The following DOCK8 variants were observed in gnomAD, a reference collection of about 807,000 sequenced individuals.
DOCK8 encodes dedicator of cytokinesis 8, also known as dedicator of cytokinesis protein 8.
In DOCK8, 141 loss-of-function variants were observed where a neutral mutation model predicts 245.6. The ratio of observed to expected loss-of-function variants is 0.57; its 90% CI spans 0.50 to 0.66. The LOEUF (loss-of-function observed/expected upper bound fraction) is 0.66, where lower values mean the gene tolerates loss of function less well. DOCK8 is among the 30% of genes least tolerant of loss of function. The pLI is 0.00. For synonymous variants in DOCK8, 1,168 were observed against 970.2 expected (o/e 1.20, Z -3.79); for missense variants, 2,965 against 2,603.4 (o/e 1.14, Z -3.02).
intron 8 of DOCK8, among the ~76,000 whole-genome samples, chr9:325,998 G>C (rs778403729): frequency 2.0e-5 from 3 of 152,130 alleles, no homozygotes; most frequent in Non-Finnish European, 4.4e-5. Context: ...ATAGCGCATG[G>C]GGTTATGTAT....
intron 46 of DOCK8, among the ~76,000 whole-genome samples, chr9:462,094 T>G (rs749246166): frequency 2.0e-5 from 3 of 152,200 alleles, no homozygotes; most frequent in Admixed American, 6.5e-5. Flanking sequence ...TTTTGTTTGA[T>G]GCATCTGTTA....
intron 27 of DOCK8, among the ~76,000 whole-genome samples, chr9:406,687 A>G (rs541905740): frequency 6.6e-6 from 1 of 151,892 alleles, no homozygotes; most frequent in African/African-American, 2.4e-5. Context: ...TCATTTTTCA[A>G]CAGACCCGGG....
chr9:370,905 T>C (rs1325892828), intron 16 of DOCK8, among the ~76,000 whole-genome samples: 1 of 152,238 alleles, frequency 6.6e-6, no homozygotes, highest in African/African-American at 2.4e-5. Flanking sequence ...GAGGATTAAG[T>C]GAGGTAATGT....
intron 2 of DOCK8, among the ~76,000 whole-genome samples, chr9:274,562 A>G (rs1320581496): frequency 6.7e-6 from 1 of 148,430 alleles, no homozygotes; most frequent in Non-Finnish European, 1.5e-5. Flanking sequence ...ATCGTGTTGT[A>G]ATGTCAGAAT....
chr9:458,182 C>T (rs1325740255), intron 46 of DOCK8: 1 of 152,176 alleles, frequency 6.6e-6, no homozygotes, highest in East Asian at 1.9e-4. Flanking sequence ...ATCAGAGACC[C>T]TGGTTCTTTT....
chr9:349,491 G>A (rs906278526), intron 14 of DOCK8, among the ~76,000 whole-genome samples: 1 of 152,200 alleles, frequency 6.6e-6, no homozygotes, highest in Admixed American at 6.5e-5. Context: ...CCATGCCCAG[G>A]CTAATAACTG....
At chr9:367,912 C>A in intron 14 of DOCK8, 106 bp from the exon 15 acceptor site, 1 of 917,118 alleles carries the variant, frequency 1.1e-6, no homozygotes, top group Non-Finnish European at 1.8e-6. Context: ...GGAAAAACTT[C>A]TTTGGAAAAA....
rs144476779 is a variant in DOCK8 at position 416,111 on chromosome 9, G to A, written c.3700+1160G>A. ...ACTCAGAAGAGAAAGGTTGAGACAG[G>A]GGTTAGGGTTTGTAGAGTTCTGTTG... On this transcript the variant is annotated intron_variant, in intron 29 of 47. Transcript: ENST00000432829. 4.4e-3 allele frequency among the ~76,000 whole-genome samples: 668 copies of A among 152,272 alleles called. 4 individuals are homozygous for A. The highest frequency in any genetic ancestry group is 0.014 in the African/African-American group (594 of 41,532).
At position 464,739 on chromosome 9, in the gene DOCK8, T is replaced by C. The variant is rs2057918779; in HGVS notation, c.*520T>C. 6.0e-6 allele frequency: 1 copy of C among 165,856 alleles called. No homozygotes were observed. Among genetic ancestry groups the C allele is most frequent in the Non-Finnish European group, 1.3e-5 (1 of 75,252 alleles). The allele number at this position is 165,856 out of a possible 1,614,324, so 10.3% of individuals were successfully genotyped here. On this transcript the variant is annotated 3_prime_UTR_variant, in exon 48 of 48. Transcript: ENST00000432829. The stretch of plus-strand genomic sequence containing the variant: ...CTTACTACAATTCCAAAAATCATCA[T>C]GGTTGGAAATTTGGGAGGAGATTAT...
In DOCK8 at chr9:418,092, C is replaced by T. The variant is rs778656610; in HGVS notation, c.3725C>T (p.Thr1242Ile). 22 of 1,614,170 alleles carry T rather than the reference C, an allele frequency of 1.4e-5. No individual in the cohort carries two copies. In the South Asian group the frequency reaches 2.4e-4, roughly 18 times the overall value. The change falls in exon 30 of 48, where the codon ACC becomes ATC. Residue 1242 changes from threonine (T) to isoleucine (I), a missense_variant. Thr to Ile is a moderately conservative substitution (Grantham distance 89, BLOSUM62 -1). Transcript: ENST00000432829. ...FTVADTRRYRTSGSDEEQEGA... is the reference protein window; with the variant it reads ...FTVADTRRYRISGSDEEQEGA... ...GTTGCAGATACTCGCAGATACCGCACCAGTGGCTCGGATGAAGAACAAGAA... is the reference window on the plus strand; with the variant it reads ...GTTGCAGATACTCGCAGATACCGCATCAGTGGCTCGGATGAAGAACAAGAA...
chr9:329,288 T>C (rs2050901702), intron 9 of DOCK8, among the ~76,000 whole-genome samples: 1 of 152,110 alleles, frequency 6.6e-6, no homozygotes, highest in South Asian at 2.1e-4. Flanking sequence ...CAAATTCAGG[T>C]GTCTGATTTC....
chr9:247,341 G>A lies in DOCK8; in HGVS notation c.54-24286G>A, dbSNP rs544999653. Among the ~76,000 whole-genome samples the A allele has an allele frequency of 2.6e-5, 4 of 151,908 alleles. No individual in the cohort carries two copies. The East Asian group carries it at 5.8e-4, about 22-fold the overall frequency. On this transcript the variant is annotated intron_variant, in intron 1 of 47. Coordinates refer to ENST00000432829, the MANE Select transcript of DOCK8 (RefSeq NM_203447.4). ...CACATTTCCTAAGTTAATCAAATAC[G>A]ACAAGTTAGTGAGCTTGTGGAATTT...
At chr9:403,917 CATATATATATATGTGTATATATATATG>C (rs2055254240) in intron 26 of DOCK8, among the ~76,000 whole-genome samples, 2 of 65,140 alleles carry the variant, frequency 3.1e-5, no homozygotes, top group African/African-American at 8.1e-5. Flanking sequence ...TATATATATA[CATATATATATATGTGTATATATATATG>C]TGTATATATA....
chr9:439,014 TCTC>T (rs1173239443), intron 39 of DOCK8, among the ~76,000 whole-genome samples: 4 of 152,096 alleles, frequency 2.6e-5, no homozygotes, highest in Non-Finnish European at 5.9e-5. Context: ...TTATACAAAA[TCTC>T]CTAATGGTTA....
chr9:441,157 C>A, intron 40 of DOCK8, 129 bp from the exon 41 acceptor site: 2 of 1,387,038 alleles, frequency 1.4e-6, no homozygotes, highest in Non-Finnish European at 2.0e-6. Flanking sequence ...CCCCTTCTTG[C>A]CCTGTGAAAT....
chr9:267,072 AT>A (rs2048051156), intron 1 of DOCK8, among the ~76,000 whole-genome samples: 1 of 152,210 alleles, frequency 6.6e-6, no homozygotes, highest in African/African-American at 2.4e-5. Flanking sequence ...TGATTTGGAC[AT>A]TGGGGTGCTA....
intron 18 of DOCK8, among the ~76,000 whole-genome samples, chr9:375,720 G>A (rs149535658): frequency 3.3e-4 from 51 of 152,264 alleles, no homozygotes; most frequent in African/African-American, 1.2e-3. Context: ...TTTGAAGCGG[G>A]GCACAGTGGC....
At chr9:403,864 C>CTGTCTG (rs778992128) in intron 26 of DOCK8, among the ~76,000 whole-genome samples, 1 of 83,950 alleles carries the variant, frequency 1.2e-5, no homozygotes, top group East Asian at 3.7e-4. Context: ...CTGTATCTCT[C>CTGTCTG]TCTCTCTCTC....
intron 1 of DOCK8, among the ~76,000 whole-genome samples, chr9:246,118 C>G (rs2047500023): frequency 6.6e-6 from 1 of 151,930 alleles, no homozygotes; most frequent in Non-Finnish European, 1.5e-5. Flanking sequence ...ACTTGGGAGG[C>G]TAAGGTGGGA....
Sources: gnomAD v4.1 joint callset for allele counts (sites outside exome capture counted in the v4.1 genomes callset) on GRCh38, gnomAD v4.1.1 for gene constraint, MANE v1.5 for transcripts, NCBI Gene and HGNC (gene_info 2026-07-23, HGNC 2026-07-21) for gene names.